SDK1: variants seen among roughly 807,000 people sequenced by gnomAD.
SDK1 encodes the protein sidekick cell adhesion molecule 1.
Under a neutral mutation model 245.5 loss-of-function variants are expected in SDK1, and 157 were observed. The observed-to-expected ratio is 0.64, with a 90% CI of 0.56 to 0.73. The LOEUF (loss-of-function observed/expected upper bound fraction) is 0.73. Among genes scored for constraint, SDK1 ranks in the 30% least tolerant of loss-of-function variants. The pLI, the probability that SDK1 is intolerant of heterozygous loss-of-function variation, is 0.00. For missense variants in SDK1, 3,583 were observed against 3,002.3 expected, an observed-to-expected ratio of 1.19 and a Z score of -4.52; for synonymous variants, 1,647 against 1,278.5, an observed-to-expected ratio of 1.29 and a Z score of -6.15.
chr7:3,582,020 C>G (rs142367789), intron 1 of SDK1, among the ~76,000 whole-genome samples: 1 of 151,668 alleles, frequency 6.6e-6, no homozygotes, highest in Non-Finnish European at 1.5e-5. Context: ...GTAGGCCTGT[C>G]TCAGGTAGAT....
chr7:3,544,526 G>A (rs887298374), intron 1 of SDK1, among the ~76,000 whole-genome samples: 1 of 152,200 alleles, frequency 6.6e-6, no homozygotes, highest in African/African-American at 2.4e-5. Flanking sequence ...AAAATGAGTC[G>A]TTGGCCTAAT....
chr7:3,826,945 A>G (rs1562473185), intron 5 of SDK1, among the ~76,000 whole-genome samples: 1 of 152,054 alleles, frequency 6.6e-6, no homozygotes, highest in Non-Finnish European at 1.5e-5. Context: ...CACCACAACA[A>G]AGACCATCAT....
chr7:4,253,618 G>A (rs1002455586), intron 44 of SDK1, among the ~76,000 whole-genome samples: 3 of 152,140 alleles, frequency 2.0e-5, no homozygotes, highest in Non-Finnish European at 4.4e-5. Context: ...CTGTTTTGGG[G>A]TGGAGTGTTC....
chr7:3,302,481 C>T (rs1234645653), intron 1 of SDK1: 1 of 152,194 alleles, frequency 6.6e-6, no homozygotes, highest in East Asian at 1.9e-4. Context: ...CCTCTATTGG[C>T]TTCTGTTTAG....
intron 1 of SDK1, among the ~76,000 whole-genome samples, chr7:3,417,786 C>A (rs1159939852): frequency 6.6e-6 from 1 of 152,088 alleles, no homozygotes; most frequent in Non-Finnish European, 1.5e-5. Flanking sequence ...ATAGCAGTGT[C>A]CAGCAGCGAC....
intron 44 of SDK1, among the ~76,000 whole-genome samples, chr7:4,264,166 ACTCTCCTGAGTGGGGGAGGCCGCGTAGAC>A (rs1562494284): frequency 3.4e-4 from 37 of 109,220 alleles, no homozygotes; most frequent in South Asian, 6.9e-4. Flanking sequence ...GCCGCGTAGA[ACTCTCCTGAGTGGGGGAGGCCGCGTAGAC>A]CTCTCCTGAG....
At chr7:3,944,897 C>T (rs998367525) in intron 5 of SDK1, among the ~76,000 whole-genome samples, 2 of 152,184 alleles carry the variant, frequency 1.3e-5, no homozygotes, top group African/African-American at 2.4e-5. Flanking sequence ...TTGGGGCAGA[C>T]TTGGTCATGG....
At chr7:3,421,453 C>A (rs914451890) in intron 1 of SDK1, among the ~76,000 whole-genome samples, 24 of 152,032 alleles carry the variant, frequency 1.6e-4, no homozygotes, top group Non-Finnish European at 3.2e-4. Flanking sequence ...ATTACCAAAG[C>A]CTTTTAAAAC....
At chr7:4,183,418 G>A (rs763861066) in intron 35 of SDK1, among the ~76,000 whole-genome samples, 4 of 151,860 alleles carry the variant, frequency 2.6e-5, no homozygotes, top group Admixed American at 6.6e-5. Flanking sequence ...GGTGGATCGC[G>A]AAGTCAGGAG....
intron 4 of SDK1, among the ~76,000 whole-genome samples, chr7:3,645,822 A>G (rs6973695): frequency 0.036 from 5,538 of 152,088 alleles, 314 homozygotes; most frequent in African/African-American, 0.12. Context: ...TGCTTCCCAC[A>G]TATTGAAATG....
intron 5 of SDK1, among the ~76,000 whole-genome samples, chr7:3,941,594 G>T (rs541899003): frequency 2.0e-5 from 3 of 151,974 alleles, no homozygotes; most frequent in African/African-American, 7.3e-5. Context: ...CATCTTCCCT[G>T]CTCAAACCTT....
intron 4 of SDK1, among the ~76,000 whole-genome samples, chr7:3,743,047 C>T (rs770824667): frequency 2.0e-5 from 3 of 152,108 alleles, no homozygotes; most frequent in Admixed American, 6.5e-5. Context: ...TTTGATTGTA[C>T]GGAACTTTCC....
intron 1 of SDK1, among the ~76,000 whole-genome samples, chr7:3,591,081 A>C (rs1404805023): frequency 6.6e-6 from 1 of 152,188 alleles, no homozygotes; most frequent in Non-Finnish European, 1.5e-5. Context: ...TTCTTTAATC[A>C]TATTATTTGT....
chr7:3,807,985 C>T (rs948640676), intron 4 of SDK1, among the ~76,000 whole-genome samples: 5 of 152,146 alleles, frequency 3.3e-5, no homozygotes, highest in South Asian at 2.1e-4. Flanking sequence ...ATCTGACCTG[C>T]GCATTGGTGC....
chr7:3,787,863 G>A (rs1780954408), intron 4 of SDK1, among the ~76,000 whole-genome samples: 1 of 152,200 alleles, frequency 6.6e-6, no homozygotes, highest in African/African-American at 2.4e-5. Flanking sequence ...TTTCATTGGG[G>A]CCCTTCTACC....
intron 20 of SDK1, among the ~76,000 whole-genome samples, chr7:4,072,956 ACT>A (rs1406918455): frequency 6.6e-6 from 1 of 152,088 alleles, no homozygotes; most frequent in Non-Finnish European, 1.5e-5. Flanking sequence ...AGCGTCCTCC[ACT>A]CTCCTTCAGT....
At chr7:3,641,863 G>A (rs1322330870) in intron 3 of SDK1, 95 bp from the exon 4 acceptor site, 6 of 991,680 alleles carry the variant, frequency 6.1e-6, no homozygotes, top group African/African-American at 3.3e-5. Flanking sequence ...CAGCATCAGT[G>A]ACTTTACTGT....
chr7:4,248,098 G>A (rs1787011885), intron 44 of SDK1, among the ~76,000 whole-genome samples: 1 of 152,114 alleles, frequency 6.6e-6, no homozygotes, highest in Admixed American at 6.5e-5. Context: ...AATGTTTATG[G>A]AAGATTATTG....
At chr7:4,053,402 G>C (rs1779003784) in intron 19 of SDK1, among the ~76,000 whole-genome samples, 1 of 151,954 alleles carries the variant, frequency 6.6e-6, no homozygotes, top group Admixed American at 6.6e-5. Flanking sequence ...CCTTTCTAAG[G>C]GTCCTCCGTC....
Sources: gnomAD v4.1 joint callset for allele counts (sites outside exome capture counted in the v4.1 genomes callset) on GRCh38, gnomAD v4.1.1 for gene constraint, MANE v1.5 for transcripts, NCBI Gene and HGNC (gene_info 2026-07-23, HGNC 2026-07-21) for gene names.